The following AOAH variants were observed in gnomAD, a reference collection of about 807,000 sequenced individuals.
AOAH encodes acyloxyacyl hydrolase, also known as acyloxyacyl hydrolase (neutrophil).
A neutral mutation model predicts 92.2 loss-of-function variants in AOAH; 64 were observed. The ratio of observed to expected loss-of-function variants is 0.69; its 90% CI spans 0.57 to 0.86. The LOEUF is 0.86. Ranked by LOEUF, AOAH falls within the 40% of genes least tolerant of loss-of-function variation. The probability of loss-of-function intolerance (pLI) is 0.00; values close to 1 mark genes in which losing one functional copy is unlikely to be tolerated. For synonymous variants in AOAH, 263 were observed against 254.5 expected (o/e 1.03, Z -0.32); for missense variants, 656 against 694.6 (o/e 0.94, Z 0.62).
At chr7:36,677,572 T>A (rs982016147) in intron 2 of AOAH, among the ~76,000 whole-genome samples, 1 of 152,190 alleles carries the variant, frequency 6.6e-6, no homozygotes, top group Non-Finnish European at 1.5e-5. Flanking sequence ...TCCAGCAATA[T>A]GATCCAGTTT....
intron 2 of AOAH, among the ~76,000 whole-genome samples, chr7:36,676,885 G>T (rs1420054764): frequency 1.3e-5 from 2 of 152,162 alleles, no homozygotes; most frequent in African/African-American, 4.8e-5. Context: ...ACAGGCAAAA[G>T]AATGAATTTG....
intron 13 of AOAH, among the ~76,000 whole-genome samples, chr7:36,574,360 C>T (rs1298870324): frequency 1.3e-5 from 2 of 152,196 alleles, no homozygotes; most frequent in Non-Finnish European, 2.9e-5. Flanking sequence ...TCTCCTGTCT[C>T]CCCTTTTATC....
rs572380125 is a variant in AOAH at position 36,713,598 on chromosome 7, T to G, written c.127+10424A>C. On this transcript the variant is annotated intron_variant, in intron 1 of 20. Coordinates refer to ENST00000617537, the MANE Select transcript of AOAH (RefSeq NM_001637.4). ...TGGAAGTAAAGCTCTCCTCAGCAAA[T>G]GGAAAAGAACAGAAATTATAACAAA... is the stretch of plus-strand genomic sequence containing the variant. Among the ~76,000 whole-genome samples the G allele has an allele frequency of 2.1e-4, 32 of 152,250 alleles. No homozygotes were observed. The South Asian group carries it at 6.0e-3, about 29-fold the overall frequency.
rs180757817 is a variant in AOAH at position 36,656,472 on chromosome 7, T to C, written c.390+2694A>G. Among the ~76,000 whole-genome samples the C allele has an allele frequency of 8.1e-3, 1,231 of 152,084 alleles. 9 individuals carry two copies. The highest frequency in any genetic ancestry group is 0.014 in the Non-Finnish European group (939 of 67,986). On this transcript the variant is annotated intron_variant, in intron 4 of 20. Coordinates refer to ENST00000617537, the MANE Select transcript of AOAH (RefSeq NM_001637.4). ...CTTCACCCGCCCTTAGTAGGTAATG[T>C]TAGGTCAGCTGAGAGAAAGGACGAG...
At chr7:36,715,177 A>G (rs1213420801) in intron 1 of AOAH, among the ~76,000 whole-genome samples, 1 of 152,178 alleles carries the variant, frequency 6.6e-6, no homozygotes, top group Non-Finnish European at 1.5e-5. Flanking sequence ...ATTCTTATAC[A>G]CCAATAACAG....
At chr7:36,577,790 AAAT>A (rs1202871277) in intron 12 of AOAH, among the ~76,000 whole-genome samples, 3 of 152,246 alleles carry the variant, frequency 2.0e-5, no homozygotes, top group African/African-American at 7.2e-5. Flanking sequence ...GTAAACTAAA[AAAT>A]AATAACTTAG....
chr7:36,592,862 G>A (rs1156586137), intron 12 of AOAH, among the ~76,000 whole-genome samples: 1 of 152,184 alleles, frequency 6.6e-6, no homozygotes, highest in African/African-American at 2.4e-5. Context: ...CTAATGACAA[G>A]GACTAGCCTT....
intron 11 of AOAH, among the ~76,000 whole-genome samples, chr7:36,612,482 TATAA>T (rs564643899): frequency 4.6e-5 from 7 of 152,244 alleles, no homozygotes; most frequent in Non-Finnish European, 8.8e-5. Context: ...TTTTTGCTCT[TATAA>T]ATAAATACCT....
chr7:36,602,369 C>A, intron 11 of AOAH, among the ~76,000 whole-genome samples: 1 of 151,774 alleles, frequency 6.6e-6, no homozygotes, highest in African/African-American at 2.4e-5. Context: ...GGATGCATTT[C>A]TCTCACTGCC....
chr7:36,515,666 C>A (rs1435178251), intron 20 of AOAH, among the ~76,000 whole-genome samples: 1 of 134,790 alleles, frequency 7.4e-6, no homozygotes, highest in Non-Finnish European at 1.6e-5. Context: ...ACACACCACA[C>A]CCCTCACAAC....
At chr7:36,693,513 G>A (rs1255942623) in intron 1 of AOAH, among the ~76,000 whole-genome samples, 2 of 128,052 alleles carry the variant, frequency 1.6e-5, no homozygotes, top group East Asian at 2.9e-4. Flanking sequence ...CAAATTTAAT[G>A]TATTTTTATA....
chr7:36,603,924 T>A (rs1790791932), intron 11 of AOAH, among the ~76,000 whole-genome samples: 1 of 152,260 alleles, frequency 6.6e-6, no homozygotes, highest in Non-Finnish European at 1.5e-5. Flanking sequence ...TCTCTGTCTA[T>A]ATTCTGCTAT....
intron 16 of AOAH, among the ~76,000 whole-genome samples, chr7:36,538,725 T>C (rs1348511969): frequency 1.3e-5 from 2 of 152,256 alleles, no homozygotes; most frequent in Non-Finnish European, 2.9e-5. Context: ...CCTTTCTGCA[T>C]GCAAAGCAGC....
intron 3 of AOAH, among the ~76,000 whole-genome samples, chr7:36,667,861 A>C (rs140453423): frequency 6.6e-6 from 1 of 152,344 alleles, no homozygotes; most frequent in East Asian, 1.9e-4. Context: ...GTTTCAAATT[A>C]ACATGGCTGC....
chr7:36,535,664 T>C (rs1785011319), intron 16 of AOAH, among the ~76,000 whole-genome samples: 1 of 152,194 alleles, frequency 6.6e-6, no homozygotes, highest in Non-Finnish European at 1.5e-5. Flanking sequence ...TGCCTGTGAC[T>C]TGCCCATCCT....
chr7:36,522,018 C>T, intron 20 of AOAH, 21 bp downstream of exon 20: 2 of 1,603,626 alleles, frequency 1.2e-6, no homozygotes, highest in African/African-American at 2.7e-5. Context: ...CCTTCTGCAG[C>T]CACCATGTGA....
chr7:36,628,785 G>C (rs1228637353), intron 6 of AOAH, among the ~76,000 whole-genome samples: 2 of 152,332 alleles, frequency 1.3e-5, no homozygotes, highest in East Asian at 3.9e-4. Context: ...TTTATCGAAG[G>C]AATATGCCAC....
chr7:36,558,050 G>GA (rs1786913179), intron 13 of AOAH, among the ~76,000 whole-genome samples: 1 of 152,246 alleles, frequency 6.6e-6, no homozygotes, highest in East Asian at 1.9e-4. Flanking sequence ...CTTTGGAGGA[G>GA]GAGAGGCGCT....
At chr7:36,528,526 C>T (rs1045277989) in intron 19 of AOAH, among the ~76,000 whole-genome samples, 1 of 152,178 alleles carries the variant, frequency 6.6e-6, no homozygotes, top group Non-Finnish European at 1.5e-5. Context: ...TGGCACATAG[C>T]AGGACTTATA....
Sources: gnomAD v4.1 joint callset for allele counts (sites outside exome capture counted in the v4.1 genomes callset) on GRCh38, gnomAD v4.1.1 for gene constraint, MANE v1.5 for transcripts, NCBI Gene and HGNC (gene_info 2026-07-23, HGNC 2026-07-21) for gene names.